The following RASSF3 variants were observed in gnomAD, a reference collection of about 807,000 sequenced individuals.
RASSF3 encodes ras association domain-containing protein 3.
In RASSF3, 19 loss-of-function variants were observed where a neutral mutation model predicts 19.9. That is an observed-to-expected ratio of 0.96 (90% CI 0.67 to 1.40). The LOEUF (loss-of-function observed/expected upper bound fraction) is 1.40, where lower values mean the gene tolerates loss of function less well. Ranked by LOEUF, RASSF3 falls within the 40% of genes most tolerant of loss-of-function variation. RASSF3 has a pLI of 0.00. For synonymous variants in RASSF3, 110 were observed against 104.2 expected (o/e 1.06, Z -0.34); for missense variants, 306 against 289.8 (o/e 1.06, Z -0.41).
chr12:64,660,802 G>C (rs1228039497), intron 1 of RASSF3, among the ~76,000 whole-genome samples: 3 of 152,172 alleles, frequency 2.0e-5, no homozygotes, highest in Non-Finnish European at 4.4e-5. Context: ...TTGTTCTGCT[G>C]ACTTGTCTCG....
Position 64,691,482 on chromosome 12 carries a change from A to G in RASSF3, c.470A>G (p.Lys157Arg). The G allele has an allele frequency of 1.2e-6, 2 of 1,612,902 alleles. No homozygotes were observed. The highest frequency in any genetic ancestry group is 2.2e-5 in the East Asian group (1 of 44,882). ...CHREDQVYAC[K>R]LSDREHPLYL... ...TTTCTTTACCCAGTCTACGCCTGCA[A>G]GCTCTCAGACCGGGAACATCCACTC... Residue 157 changes from lysine (K) to arginine (R), a missense_variant, in exon 4 of 5, where the codon AAG (lysine) becomes AGG (arginine). Lys to Arg is a conservative substitution (Grantham distance 26). Coordinates refer to ENST00000542104, the MANE Select transcript of RASSF3 (RefSeq NM_178169.4).
intron 3 of RASSF3, 120 bp downstream of exon 3, chr12:64,688,573 A>G: frequency 1.3e-6 from 1 of 746,778 alleles, no homozygotes; most frequent in Non-Finnish European, 2.3e-6. Flanking sequence ...CTGGAGTCCG[A>G]TGCTGGAAGC....
intron 2 of RASSF3, among the ~76,000 whole-genome samples, chr12:64,580,084 G>A (rs1209653994): frequency 6.6e-6 from 1 of 152,010 alleles, no homozygotes; most frequent in African/African-American, 2.4e-5. Flanking sequence ...TGAAGTGCTG[G>A]GATTATAGGC....
chr12:64,640,622 C>G (rs1871481770), intron 1 of RASSF3, among the ~76,000 whole-genome samples: 1 of 152,068 alleles, frequency 6.6e-6, no homozygotes, highest in African/African-American at 2.4e-5. Context: ...CATGTTGTTG[C>G]AAATGGTAGG....
At chr12:64,574,216 CAGG>C (rs1368574069) in intron 2 of RASSF3, among the ~76,000 whole-genome samples, 1 of 150,386 alleles carries the variant, frequency 6.6e-6, no homozygotes, top group Admixed American at 6.6e-5. Context: ...GAGCCTGAGG[CAGG>C]AGAATGGCTT....
At chr12:64,565,525 C>G (rs533219989) in intron 2 of RASSF3, among the ~76,000 whole-genome samples, 1 of 152,240 alleles carries the variant, frequency 6.6e-6, no homozygotes, top group East Asian at 1.9e-4. Context: ...CTAGCCCGGC[C>G]AACATGGCGA....
rs546926836 is a variant in RASSF3 at position 64,577,929 on chromosome 12, C to T, written c.294+36224C>T. ...TTACAGTAGGGTAATGATAAAAATA[C>T]CTAAAATTGCCAGGTGTGATGGCTC... is the stretch of plus-strand genomic sequence containing the variant. On this transcript the variant is annotated intron_variant, in intron 2 of 5. Coordinates refer to the RASSF3 transcript ENST00000637125. Among the ~76,000 whole-genome samples the T allele has an allele frequency of 1.1e-3, 174 of 151,564 alleles. 1 individual carries two copies. The highest frequency in any genetic ancestry group is 4.0e-3 in the African/African-American group (163 of 41,162).
intron 2 of RASSF3, among the ~76,000 whole-genome samples, chr12:64,556,316 G>T (rs968716079): frequency 6.6e-6 from 1 of 152,224 alleles, no homozygotes; most frequent in East Asian, 1.9e-4. Flanking sequence ...ACCACACCCA[G>T]CTAATTTTTT....
chr12:64,652,420 C>G (rs1428633157), intron 1 of RASSF3, among the ~76,000 whole-genome samples: 2 of 151,202 alleles, frequency 1.3e-5, no homozygotes, highest in African/African-American at 2.4e-5. Context: ...CCCCCTCCCC[C>G]CCTCCTCTTT....
chr12:64,690,179 T>A (rs1289465232), intron 3 of RASSF3, among the ~76,000 whole-genome samples: 1 of 151,608 alleles, frequency 6.6e-6, no homozygotes, highest in African/African-American at 2.4e-5. Context: ...TTTTTTAAAT[T>A]TGTTTTTTGT....
intron 2 of RASSF3, among the ~76,000 whole-genome samples, chr12:64,551,621 C>G (rs7963406): frequency 0.015 from 2,288 of 152,268 alleles, 53 homozygotes; most frequent in African/African-American, 0.053. Context: ...TACTACTTAG[C>G]ATTGCTGTGG....
In RASSF3 at chr12:64,541,316, G is replaced by GA. The variant is rs537467205; in HGVS notation, c.68-257dup. On this transcript the variant is annotated intron_variant, in intron 1 of 1. Transcript: ENST00000636333. The stretch of plus-strand genomic sequence containing the variant: ...TGTCTTAATTTAAACCTTGCAAAAA[G>GA]AAAAAAAATGTATCGTAGCCTAATC... 1.2e-3 allele frequency among the ~76,000 whole-genome samples: 179 copies of GA among 151,892 alleles called. 1 individual carries two copies. Among genetic ancestry groups the GA allele is most frequent in the African/African-American group, 3.7e-3 (155 of 41,466 alleles).
intron 1 of RASSF3, among the ~76,000 whole-genome samples, chr12:64,642,493 G>C (rs766679545): frequency 4.6e-4 from 61 of 133,694 alleles, no homozygotes; most frequent in Admixed American, 6.5e-4. Flanking sequence ...CCTGGAAGCA[G>C]AGGTTGCAGT....
downstream of RASSF3, among the ~76,000 whole-genome samples, chr12:64,546,498 C>T (rs1869065680): frequency 6.6e-6 from 1 of 152,176 alleles, no homozygotes. Flanking sequence ...TCTCGATCTC[C>T]TGACCTCGTG....
intron 2 of RASSF3, among the ~76,000 whole-genome samples, chr12:64,601,918 C>A (rs1277598136): frequency 1.9e-4 from 29 of 151,818 alleles, no homozygotes; most frequent in Non-Finnish European, 1.5e-5. Context: ...GAGATCAAGA[C>A]CATCCTGGCT....
chr12:64,606,710 G>A (rs1443892011), upstream of RASSF3, among the ~76,000 whole-genome samples: 1 of 152,182 alleles, frequency 6.6e-6, no homozygotes, highest in Non-Finnish European at 1.5e-5. Context: ...AGCTACTCGG[G>A]AGGCTGAGGC....
chr12:64,641,620 AC>A, intron 1 of RASSF3, among the ~76,000 whole-genome samples: 1 of 136,680 alleles, frequency 7.3e-6, no homozygotes, highest in South Asian at 2.5e-4. Flanking sequence ...ATATGGTGAG[AC>A]CCCATCTCTC....
chr12:64,512,020 C>T (rs765993407), intron 1 of RASSF3, among the ~76,000 whole-genome samples: 3 of 152,112 alleles, frequency 2.0e-5, no homozygotes, highest in Non-Finnish European at 4.4e-5. Flanking sequence ...ACACAGAAAC[C>T]CACCTCTCAC....
chr12:64,571,555 A>G (rs538401565), intron 2 of RASSF3, among the ~76,000 whole-genome samples: 1 of 152,262 alleles, frequency 6.6e-6, no homozygotes, highest in East Asian at 1.9e-4. Context: ...CTGATCATTC[A>G]GCATTCTCCT....
Sources: allele counts gnomAD v4.1 joint callset (sites outside exome capture counted in the v4.1 genomes callset), GRCh38; gene constraint gnomAD v4.1.1; transcripts MANE v1.5; gene names NCBI Gene and HGNC (gene_info 2026-07-23, HGNC 2026-07-21).